TRPM3: variants seen among roughly 807,000 people sequenced by gnomAD.
The protein encoded by TRPM3 is transient receptor potential cation channel subfamily M member 3, also known as long transient receptor potential channel 3.
TRPM3 carries 77 observed loss-of-function variants against 181.2 expected under a neutral mutation model. That is an observed-to-expected ratio of 0.42 (90% CI 0.35 to 0.51). TRPM3 has a LOEUF of 0.51. TRPM3 is among the 20% of genes least tolerant of loss of function. The probability of loss-of-function intolerance (pLI) is 0.01; values close to 1 mark genes in which losing one functional copy is unlikely to be tolerated. For synonymous variants in TRPM3, 745 were observed against 796.4 expected (o/e 0.94, Z 1.09); for missense variants, 1,759 against 2,196.7 (o/e 0.80, Z 3.98).
At chr9:71,179,758 C>T (rs369306754) in intron 1 of TRPM3, among the ~76,000 whole-genome samples, 5 of 152,236 alleles carry the variant, frequency 3.3e-5, no homozygotes, top group South Asian at 4.1e-4. Context: ...ATATTCCCAT[C>T]AGGAAATTTT....
intron 6 of TRPM3, among the ~76,000 whole-genome samples, chr9:70,804,572 C>T (rs2090175552): frequency 6.6e-6 from 1 of 152,150 alleles, no homozygotes; most frequent in Non-Finnish European, 1.5e-5. Context: ...AGTGCTCTCT[C>T]CCAGTTTCTC....
At chr9:70,574,951 T>A (rs2053531507) in intron 22 of TRPM3, among the ~76,000 whole-genome samples, 1 of 151,496 alleles carries the variant, frequency 6.6e-6, no homozygotes, top group South Asian at 2.1e-4. Context: ...TTTTTTTAAA[T>A]TTTTTTTCCC....
chr9:70,775,895 T>G (rs1361391428), intron 7 of TRPM3: 1 of 152,298 alleles, frequency 6.6e-6, no homozygotes, highest in Non-Finnish European at 1.5e-5. Flanking sequence ...GTGTATACAC[T>G]GTGGAATGGC....
intron 1 of TRPM3, among the ~76,000 whole-genome samples, chr9:70,927,350 T>C (rs1423066987): frequency 6.6e-6 from 1 of 152,198 alleles, no homozygotes; most frequent in Non-Finnish European, 1.5e-5. Context: ...TTGAATGTTA[T>C]TTGAATGGTA....
intron 1 of TRPM3, among the ~76,000 whole-genome samples, chr9:71,265,243 T>C (rs1460928335): frequency 6.6e-6 from 1 of 152,218 alleles, no homozygotes; most frequent in African/African-American, 2.4e-5. Flanking sequence ...AGTTTAAAAT[T>C]TTCTTTGAGC....
intron 18 of TRPM3, among the ~76,000 whole-genome samples, chr9:70,610,998 C>G (rs747844478): frequency 6.6e-6 from 1 of 152,028 alleles, no homozygotes; most frequent in Non-Finnish European, 1.5e-5. Context: ...CCTGGGAATT[C>G]TAGAAGATGT....
chr9:71,269,921 G>A (rs1214909987), intron 1 of TRPM3, among the ~76,000 whole-genome samples: 1 of 152,086 alleles, frequency 6.6e-6, no homozygotes, highest in African/African-American at 2.4e-5. Flanking sequence ...ATAAATATTT[G>A]TATGTCTCAG....
rs144875571 is a variant in TRPM3 at position 71,325,626 on chromosome 9, G to T, written c.183+121027C>A. On this transcript the variant is annotated intron_variant, in intron 1 of 24. Coordinates refer to the TRPM3 transcript ENST00000357533. ...AAATGTGTGAGTTAATGAAAAAATT[G>T]CTTAGGCAGGAAGAAGGAATGAAGG... 1.6e-4 allele frequency among the ~76,000 whole-genome samples: 25 copies of T among 152,166 alleles called. No individual in the cohort carries two copies. The East Asian group carries it at 4.6e-3, about 28-fold the overall frequency.
At chr9:70,613,603 A>G (rs2133069170) in intron 18 of TRPM3, among the ~76,000 whole-genome samples, 1 of 152,320 alleles carries the variant, frequency 6.6e-6, no homozygotes, top group East Asian at 1.9e-4. Flanking sequence ...GGAAGGGTCC[A>G]CTTTACAGAC....
intron 9 of TRPM3, among the ~76,000 whole-genome samples, chr9:70,646,720 T>TA (rs1049804700): frequency 4.9e-4 from 73 of 149,090 alleles, no homozygotes; most frequent in Non-Finnish European, 8.5e-4. Context: ...AGTATAATAA[T>TA]AAAAAAAAAG....
Position 71,381,544 on chromosome 9 carries a change from C to T in TRPM3, c.183+65109G>A, listed in dbSNP as rs370815135. 6.6e-5 allele frequency among the ~76,000 whole-genome samples: 10 copies of T among 152,240 alleles called. No individual in the cohort carries two copies. In the East Asian group the frequency reaches 7.7e-4, roughly 12 times the overall value. ...GATATCTGCGGCTGCATTAAAAATA[C>T]GGTGGCACTAAAATATTATTTCTAG... On this transcript the variant is annotated intron_variant, in intron 1 of 24. Transcript: ENST00000357533.
chr9:71,309,133 G>T (rs1489164345), intron 1 of TRPM3, among the ~76,000 whole-genome samples: 1 of 152,124 alleles, frequency 6.6e-6, no homozygotes, highest in Non-Finnish European at 1.5e-5. Context: ...CTTTTAATGT[G>T]CATCGAGTAG....
intron 1 of TRPM3, among the ~76,000 whole-genome samples, chr9:71,221,739 T>C (rs1024451405): frequency 6.6e-6 from 1 of 152,182 alleles, no homozygotes; most frequent in Admixed American, 6.5e-5. Flanking sequence ...CACAGGCCAA[T>C]TACCTCTGGG....
intron 1 of TRPM3, among the ~76,000 whole-genome samples, chr9:71,103,547 A>C (rs2068812244): frequency 6.6e-6 from 1 of 152,234 alleles, no homozygotes; most frequent in Non-Finnish European, 1.5e-5. Flanking sequence ...AAAATATCTC[A>C]CTGACTACAG....
chr9:71,411,646 C>A (rs2093552101), intron 1 of TRPM3, among the ~76,000 whole-genome samples: 1 of 152,102 alleles, frequency 6.6e-6, no homozygotes, highest in Non-Finnish European at 1.5e-5. Flanking sequence ...TAGGAAGAAT[C>A]AATATCACGA....
intron 1 of TRPM3, among the ~76,000 whole-genome samples, chr9:71,129,380 T>C (rs1251999509): frequency 1.3e-5 from 2 of 152,180 alleles, no homozygotes; most frequent in Non-Finnish European, 2.9e-5. Context: ...CATTTAACTT[T>C]TATGAGTCCT....
At chr9:70,898,288 A>ATTTTTTGT (rs2096315660) in intron 1 of TRPM3, among the ~76,000 whole-genome samples, 1 of 150,844 alleles carries the variant, frequency 6.6e-6, no homozygotes, top group Non-Finnish European at 1.5e-5. Flanking sequence ...ACGCCCGGCT[A>ATTTTTTGT]ATTTTTTGTA....
intron 1 of TRPM3, among the ~76,000 whole-genome samples, chr9:71,141,076 A>T (rs1273238102): frequency 1.3e-5 from 2 of 152,232 alleles, no homozygotes; most frequent in Admixed American, 1.3e-4. Flanking sequence ...TTTTATGCTT[A>T]CAAGAATTCA....
chr9:71,439,277 C>T (rs926828406), intron 1 of TRPM3, among the ~76,000 whole-genome samples: 5 of 152,194 alleles, frequency 3.3e-5, no homozygotes, highest in African/African-American at 1.2e-4. Context: ...CCATAAACAA[C>T]ATCTCCTGTC....
Sources: gnomAD v4.1 joint callset for allele counts (sites outside exome capture counted in the v4.1 genomes callset) on GRCh38, gnomAD v4.1.1 for gene constraint, MANE v1.5 for transcripts, NCBI Gene and HGNC (gene_info 2026-07-23, HGNC 2026-07-21) for gene names.